The following ZNF653 variants were observed in gnomAD, a reference collection of about 807,000 sequenced individuals.
ZNF653 encodes 67 kDa zinc finger protein.
ZNF653 carries 37 observed loss-of-function variants against 59.9 expected under a neutral mutation model. That is an observed-to-expected ratio of 0.62 (90% CI 0.48 to 0.81). ZNF653 has a LOEUF of 0.81. ZNF653 is among the 40% of genes least tolerant of loss of function. The pLI is 0.00. For missense variants in ZNF653, 808 were observed against 881.1 expected (o/e 0.92, Z 1.05); for synonymous variants, 435 against 371.8 (o/e 1.17, Z -1.96).
At chr19:11,485,619 T>C in intron 7 of ZNF653, 37 bp downstream of exon 7, 1 of 1,552,704 alleles carries the variant, frequency 6.4e-7, no homozygotes, top group East Asian at 2.2e-5. Flanking sequence ...TGTCCCTGTG[T>C]CCCCCGCTCA....
rs151131261 is a variant in ZNF653, at chr19:11,495,044, C to A, written c.559+906G>T. ...GGGGGCGCCCACCCGGAACACCTCT[C>A]GCCCCCGGCTTCCCCTCGGCCAGCT... On this transcript the variant is annotated intron_variant, in intron 3 of 8. Coordinates refer to ENST00000293771, the MANE Select transcript of ZNF653 (RefSeq NM_138783.4). The surrounding 1 kb of genome is among the most constrained non-coding windows in gnomAD (Gnocchi z 4.9). Among the ~76,000 whole-genome samples, 1 of 152,216 alleles carries A rather than the reference C, an allele frequency of 6.6e-6. No individual in the cohort carries two copies. Among genetic ancestry groups the A allele is most frequent in the African/African-American group, 2.4e-5 (1 of 41,468 alleles).
At chr19:11,491,999 T>C (rs534619293) in intron 3 of ZNF653, among the ~76,000 whole-genome samples, 1 of 152,258 alleles carries the variant, frequency 6.6e-6, no homozygotes, top group Admixed American at 6.5e-5. Flanking sequence ...AGTTCCTTTT[T>C]CCCTCCTTTA....
At chr19:11,486,629 G>A (rs981655928) in intron 6 of ZNF653, 140 bp downstream of exon 6, 56 of 680,296 alleles carry the variant, frequency 8.2e-5, no homozygotes, top group Non-Finnish European at 1.2e-5. Context: ...GCCAGGTCCT[G>A]GGGTGTGACA....
At chr19:11,493,729 T>C (rs760949255) in intron 3 of ZNF653, among the ~76,000 whole-genome samples, 3 of 152,048 alleles carry the variant, frequency 2.0e-5, no homozygotes, top group Non-Finnish European at 4.4e-5. Context: ...CCAACAGAAA[T>C]AGCCATGGGC....
rs1384903468 is a variant in ZNF653, at chr19:11,487,516, C to T, written c.947G>A (p.Gly316Asp). Residue 316 changes from glycine (G) to aspartate (D), a missense_variant, in exon 4 of 9, where the codon GGC (glycine) becomes GAC (aspartate). Gly to Asp is a moderately conservative substitution (Grantham distance 94). Transcript: ENST00000293771. The surrounding 1 kb of genome is among the most constrained non-coding windows in gnomAD (Gnocchi z 5.1). ...GCCCGCAATGATGATCACCTGTGAG[C>T]CGGGCACCATGCCTGGCATGGGGCA... is the stretch of plus-strand genomic sequence containing the variant. ...ASCPMPGMVP[G>D]SQVIIIAGPG... 2 of 1,613,734 alleles carry T rather than the reference C, an allele frequency of 1.2e-6. No individual in the cohort carries two copies. The highest frequency in any genetic ancestry group is 1.7e-6 in the Non-Finnish European group (2 of 1,179,976).
At chr19:11,485,937 T>C (rs1437282862) in intron 6 of ZNF653, among the ~76,000 whole-genome samples, 167 bp from the exon 7 acceptor site, 1 of 151,774 alleles carries the variant, frequency 6.6e-6, no homozygotes, top group Non-Finnish European at 1.5e-5. Context: ...ACAACTGGGG[T>C]CAAAGGGTAG....
chr19:11,505,683 C>A lies in ZNF653; in HGVS notation c.104G>T (p.Gly35Val). Residue 35 changes from glycine to valine, a missense_variant, in exon 1 of 9, where the codon GGC (glycine) becomes GTC (valine). Transcript: ENST00000293771. Reference protein sequence around the residue: ...EEGAAGRKARGRPRLTESDRA... With the variant: ...EEGAAGRKARVRPRLTESDRA... ...GTCCGACTCCGTGAGTCGCGGCCGG[C>A]CCCGCGCCTTTCGGCCCGCTGCGCC... The A allele has an allele frequency of 6.7e-7, 1 of 1,489,976 alleles. No homozygotes were observed. Among genetic ancestry groups the A allele is most frequent in the Non-Finnish European group, 8.9e-7 (1 of 1,128,162 alleles). The allele number at this position is 1,489,976 out of a possible 1,614,324, so 92.3% of individuals were successfully genotyped here.
chr19:11,505,402 G>C (rs1335015083), intron 1 of ZNF653, 86 bp downstream of exon 1: 2 of 1,303,804 alleles, frequency 1.5e-6, no homozygotes, highest in African/African-American at 1.6e-5. Flanking sequence ...CCGGGGGCTG[G>C]CCCTAGAAGC....
intron 6 of ZNF653, 90 bp downstream of exon 6, chr19:11,486,679 C>T: frequency 8.7e-7 from 1 of 1,143,838 alleles, no homozygotes; most frequent in Non-Finnish European, 1.2e-6. Flanking sequence ...CGTCAAATTT[C>T]AAGGGGCAAA....
rs1971586970 is a variant in ZNF653 at position 11,496,228 on chromosome 19, GCCTGAACCA to G, written c.344-72_344-64del. ...GGGCTCAGCCCATGGTGACATGGCT[GCCTGAACCA>G]CCGGGGCTTTATGGGTCCCATGGGT... On this transcript the variant is annotated intron_variant, in intron 2 of 8. Coordinates refer to ENST00000293771, the MANE Select transcript of ZNF653 (RefSeq NM_138783.4). The G allele has an allele frequency of 2.9e-5, 44 of 1,534,284 alleles. No homozygotes were observed. The South Asian group carries it at 5.1e-4, about 18-fold the overall frequency.
At position 11,505,599 on chromosome 19, in the gene ZNF653, C is replaced by A; in HGVS notation, c.188G>T (p.Gly63Val). Residue 63 changes from glycine (G) to valine (V), a missense_variant, in exon 1 of 9, where the codon GGC (glycine) becomes GTC (valine). Physicochemically the swap from Gly to Val is moderately radical, Grantham distance 109 (BLOSUM62 -3). Transcript: ENST00000293771. Reference protein sequence around the residue: ...KKYDVRRVYLGEAHGPWVDLR... With the variant: ...KKYDVRRVYLVEAHGPWVDLR... ...GTCCACCCAGGGCCCGTGCGCCTCG[C>A]CCAGGTACACGCGCCGCACGTCGTA... The A allele has an allele frequency of 1.3e-6, 2 of 1,507,196 alleles. No homozygotes were observed. Among genetic ancestry groups the A allele is most frequent in the East Asian group, 2.8e-5 (1 of 35,996 alleles). The allele number at this position is 1,507,196 out of a possible 1,614,324, so 93.4% of individuals were successfully genotyped here.
At chr19:11,498,073 G>A (rs562149052) in intron 2 of ZNF653, among the ~76,000 whole-genome samples, 1 of 152,328 alleles carries the variant, frequency 6.6e-6, no homozygotes, top group African/African-American at 2.4e-5. Context: ...TGTTCCCTCT[G>A]CTCGGCTCTC....
rs763733429 is a variant in ZNF653 at position 11,498,293 on chromosome 19, T to G, written c.343+3A>C. The G allele has an allele frequency of 3.1e-6, 5 of 1,613,970 alleles. No individual in the cohort carries two copies. In the Admixed American group the frequency reaches 8.3e-5, roughly 27 times the overall value. ...ACCTCCCCCAGGCTGAGCCTCCACT[T>G]ACTTTTCTTCCGCTTTGGCTTTTTG... On this transcript the variant is annotated splice_donor_region_variant and intron_variant, in intron 2 of 8. Transcript: ENST00000293771.
intron 1 of ZNF653, 62 bp downstream of exon 1, chr19:11,505,426 T>C (rs1465613979): frequency 7.4e-7 from 1 of 1,359,024 alleles, no homozygotes. Context: ...GGGGGCGGGG[T>C]AAAGCCCGGC....
chr19:11,498,879 G>C (rs1406897567), intron 1 of ZNF653, among the ~76,000 whole-genome samples: 1 of 150,158 alleles, frequency 6.7e-6, no homozygotes, highest in Non-Finnish European at 1.5e-5. Context: ...TGAATAGCTG[G>C]GATTACAGAC....
At chr19:11,505,163 C>T (rs1200840809) in intron 1 of ZNF653, 3 of 283,396 alleles carry the variant, frequency 1.1e-5, no homozygotes, top group Non-Finnish European at 2.0e-5. Context: ...GGCTGCCCCC[C>T]CAGGGCCTGG....
chr19:11,492,850 A>T (rs1203138100), intron 3 of ZNF653, among the ~76,000 whole-genome samples: 1 of 152,122 alleles, frequency 6.6e-6, no homozygotes, highest in East Asian at 1.9e-4. Flanking sequence ...GGTTCAAGTG[A>T]TTCTGATGCT....
In ZNF653 at chr19:11,495,371, T is replaced by G. The variant is rs752320348; in HGVS notation, c.559+579A>C. Among the ~76,000 whole-genome samples the G allele has an allele frequency of 6.7e-6, 1 of 148,926 alleles. No homozygotes were observed. On this transcript the variant is annotated intron_variant, in intron 3 of 8. Coordinates refer to ENST00000293771, the MANE Select transcript of ZNF653 (RefSeq NM_138783.4). The surrounding 1 kb of genome is among the most constrained non-coding windows in gnomAD (Gnocchi z 4.9). ...AGAGAGAGGGAGATGAGACAGAAAA[T>G]GAAAGATCAAGGAAGGAGGAGACAG...
intron 7 of ZNF653, 61 bp from the exon 8 acceptor site, chr19:11,484,202 C>T (rs1476975954): frequency 1.8e-5 from 24 of 1,303,888 alleles, no homozygotes; most frequent in South Asian, 7.6e-5. Context: ...TGATGTGCTG[C>T]AGACTCTGAT....
Sources: allele counts gnomAD v4.1 joint callset (sites outside exome capture counted in the v4.1 genomes callset), GRCh38; gene constraint gnomAD v4.1.1; non-coding constraint Gnocchi (gnomAD v3.1); transcripts MANE v1.5; gene names NCBI Gene and HGNC (gene_info 2026-07-23, HGNC 2026-07-21).